ANK3: variants seen among roughly 807,000 people sequenced by gnomAD.
ANK3 encodes the protein ankyrin-3.
A neutral mutation model predicts 370.9 loss-of-function variants in ANK3; 57 were observed. The observed-to-expected ratio is 0.15, with a 90% CI of 0.12 to 0.19. The LOEUF (loss-of-function observed/expected upper bound fraction) is 0.19, where lower values mean the gene tolerates loss of function less well. Ranked by LOEUF, ANK3 falls within the 10% of genes least tolerant of loss-of-function variation. ANK3 has a pLI of 1.00. For missense variants in ANK3, 4,439 were observed against 5,302.1 expected (o/e 0.84, Z 5.06); for synonymous variants, 1,929 against 1,946.3 (o/e 0.99, Z 0.23).
At chr10:60,148,233 T>C (rs763735675) in intron 23 of ANK3, among the ~76,000 whole-genome samples, 1 of 147,816 alleles carries the variant, frequency 6.8e-6, no homozygotes, top group Non-Finnish European at 1.5e-5. Flanking sequence ...GCTTAAGCTG[T>C]TTTTTTTTTA....
chr10:60,249,946 C>G (rs545449991), intron 7 of ANK3, among the ~76,000 whole-genome samples: 1 of 152,136 alleles, frequency 6.6e-6, no homozygotes, highest in African/African-American at 2.4e-5. Context: ...TAGTAGGGCC[C>G]AAGACAAATG....
chr10:60,450,326 G>A (rs1190934654), intron 2 of ANK3, among the ~76,000 whole-genome samples: 1 of 151,966 alleles, frequency 6.6e-6, no homozygotes, highest in East Asian at 1.9e-4. Context: ...GAATGAACAA[G>A]CTCTGATTTG....
In ANK3 at chr10:60,161,966, A is replaced by T. The variant is rs573369080; in HGVS notation, c.2614+4625T>A. On this transcript the variant is annotated intron_variant, in intron 23 of 43. Transcript: ENST00000280772. Reference sequence around the variant, plus strand: ...GCTTGAGGTGATAGATATCCCAATTACTCTGATTTGATCATTACACATTGT... The same window carrying T: ...GCTTGAGGTGATAGATATCCCAATTTCTCTGATTTGATCATTACACATTGT... Among the ~76,000 whole-genome samples the T allele has an allele frequency of 2.0e-5, 3 of 152,308 alleles. 1 individual carries two copies. The highest frequency in any genetic ancestry group is 7.2e-5 in the African/African-American group (3 of 41,568).
chr10:60,635,894 C>T (rs764777082), intron 1 of ANK3, among the ~76,000 whole-genome samples: 5 of 152,102 alleles, frequency 3.3e-5, no homozygotes, highest in African/African-American at 7.2e-5. Context: ...ACAAGCAGGA[C>T]AACTACTCTG....
intron 1 of ANK3, among the ~76,000 whole-genome samples, chr10:60,281,116 G>A (rs577228008): frequency 1.1e-3 from 175 of 152,216 alleles, no homozygotes; most frequent in African/African-American, 4.0e-3. Context: ...TTCCAGTGTG[G>A]GTCAATTCAC....
At chr10:60,032,594 G>GTTAA (rs1445947082) in intron 43 of ANK3, among the ~76,000 whole-genome samples, 1 of 152,022 alleles carries the variant, frequency 6.6e-6, no homozygotes, top group African/African-American at 2.4e-5. Flanking sequence ...AACTTCCCAG[G>GTTAA]TTAATTTCGT....
chr10:60,277,576 C>T (rs7068443), intron 4 of ANK3, among the ~76,000 whole-genome samples: 72,876 of 151,878 alleles, frequency 0.48, 17,692 homozygotes, highest in East Asian at 0.65. Context: ...TCTCACTTAT[C>T]TTTTTGTCTT....
At chr10:60,425,913 G>T (rs2063876149) in intron 2 of ANK3, among the ~76,000 whole-genome samples, 1 of 152,068 alleles carries the variant, frequency 6.6e-6, no homozygotes, top group Non-Finnish European at 1.5e-5. Flanking sequence ...CCTTGAGAAA[G>T]CCCTTTAGGT....
At chr10:60,440,035 C>T (rs554924754) in intron 2 of ANK3, among the ~76,000 whole-genome samples, 31 of 152,298 alleles carry the variant, frequency 2.0e-4, no homozygotes, top group South Asian at 1.2e-3. Context: ...GTGCGTGCCC[C>T]CAGGAACCTT....
At chr10:60,330,901 T>C (rs2051086402) in intron 1 of ANK3, among the ~76,000 whole-genome samples, 2 of 152,028 alleles carry the variant, frequency 1.3e-5, no homozygotes, top group South Asian at 4.2e-4. Context: ...ATGAAGAAAA[T>C]GTGGCACATA....
intron 26 of ANK3, among the ~76,000 whole-genome samples, chr10:60,111,006 T>A (rs980006439): frequency 6.6e-6 from 1 of 152,126 alleles, no homozygotes; most frequent in African/African-American, 2.4e-5. Flanking sequence ...CAAGCACAAT[T>A]CTAGCACAAA....
chr10:60,111,669 T>C (rs192556201), intron 26 of ANK3: 3 of 447,724 alleles, frequency 6.7e-6, no homozygotes, highest in African/African-American at 4.0e-5. Flanking sequence ...GATCTAACTA[T>C]GGCAAAAATT....
intron 1 of ANK3, among the ~76,000 whole-genome samples, chr10:60,299,648 C>T (rs2043268225): frequency 6.6e-6 from 1 of 152,120 alleles, no homozygotes. Context: ...GAATCAAATA[C>T]TTCAAAATTT....
At chr10:60,425,157 G>A (rs1351084562) in intron 2 of ANK3, among the ~76,000 whole-genome samples, 1 of 152,042 alleles carries the variant, frequency 6.6e-6, no homozygotes, top group Non-Finnish European at 1.5e-5. Context: ...ACGTGATGGA[G>A]TCTTTGTATA....
chr10:60,103,091 C>T (rs1443315574), intron 28 of ANK3, among the ~76,000 whole-genome samples: 1 of 152,064 alleles, frequency 6.6e-6, no homozygotes, highest in Non-Finnish European at 1.5e-5. Flanking sequence ...GCTGGGACTA[C>T]AAGCACATGC....
chr10:60,553,498 A>G (rs1033954757), intron 2 of ANK3, among the ~76,000 whole-genome samples: 1 of 152,136 alleles, frequency 6.6e-6, no homozygotes, highest in Non-Finnish European at 1.5e-5. Flanking sequence ...TAATTTGGAA[A>G]TCTGAAATTC....
intron 36 of ANK3, among the ~76,000 whole-genome samples, chr10:60,077,908 G>A (rs1589664139): frequency 6.6e-6 from 1 of 152,304 alleles, no homozygotes; most frequent in South Asian, 2.1e-4. Context: ...AGTAATACCA[G>A]CATTTCTTCT....
At chr10:60,419,499 C>T (rs1207472617) in intron 2 of ANK3, among the ~76,000 whole-genome samples, 1 of 152,128 alleles carries the variant, frequency 6.6e-6, no homozygotes, top group Non-Finnish European at 1.5e-5. Context: ...CAGAAAAACT[C>T]CATGCACCAC....
intron 1 of ANK3, among the ~76,000 whole-genome samples, chr10:60,366,852 T>C (rs185307717): frequency 6.6e-6 from 1 of 152,176 alleles, no homozygotes; most frequent in Non-Finnish European, 1.5e-5. Context: ...AGAACTCTTA[T>C]TTTTTCGGTT....
Sources: allele counts gnomAD v4.1 joint callset (sites outside exome capture counted in the v4.1 genomes callset), GRCh38; gene constraint gnomAD v4.1.1; transcripts MANE v1.5; gene names NCBI Gene and HGNC (gene_info 2026-07-23, HGNC 2026-07-21).